Variants in MRPL13 observed in about 807,000 individuals in gnomAD.
The protein encoded by MRPL13 is mitochondrial ribosomal protein L13, also known as large ribosomal subunit protein uL13m.
A neutral mutation model predicts 29.0 loss-of-function variants in MRPL13; 33 were observed. That is an observed-to-expected ratio of 1.14 (90% CI 0.86 to 1.52). The LOEUF (loss-of-function observed/expected upper bound fraction) is 1.52. Among genes scored for constraint, MRPL13 ranks in the 40% most tolerant of loss-of-function variants. The probability of loss-of-function intolerance (pLI) is 0.00; values close to 1 mark genes in which losing one functional copy is unlikely to be tolerated. For missense variants in MRPL13, 227 were observed against 216.7 expected (o/e 1.05, Z -0.30); for synonymous variants, 77 against 68.4 (o/e 1.13, Z -0.62).
At chr8:120,421,735 C>T (rs975956038) in intron 4 of MRPL13, among the ~76,000 whole-genome samples, 6 of 151,892 alleles carry the variant, frequency 4.0e-5, no homozygotes, top group African/African-American at 1.4e-4. Flanking sequence ...AATTATTGCT[C>T]ATAAACAATA....
chr8:120,422,149 T>C (rs1458251742), intron 4 of MRPL13, among the ~76,000 whole-genome samples: 1 of 151,766 alleles, frequency 6.6e-6, no homozygotes, highest in Non-Finnish European at 1.5e-5. Flanking sequence ...TAATAAAATA[T>C]CCTTCCCCCC....
At chr8:120,406,673 C>T (rs1287832824) in intron 6 of MRPL13, among the ~76,000 whole-genome samples, 1 of 150,872 alleles carries the variant, frequency 6.6e-6, no homozygotes, top group Non-Finnish European at 1.5e-5. Context: ...ATATATGAAA[C>T]ACACACAAGC....
rs372295525 is a variant in MRPL13, at chr8:120,398,175, G to T, written c.516-2050C>A. On this transcript the variant is annotated intron_variant, in intron 6 of 6. Coordinates refer to ENST00000306185, the MANE Select transcript of MRPL13 (RefSeq NM_014078.6). ...CTGCTTTAAGCAGGTCCCTGATCCT[G>T]TCTCTCCTGACTGGGTGAGACCTCC... is the stretch of plus-strand genomic sequence containing the variant. 8.0e-4 allele frequency among the ~76,000 whole-genome samples: 122 copies of T among 152,296 alleles called. 1 individual carries two copies. The highest frequency in any genetic ancestry group is 2.8e-3 in the African/African-American group (115 of 41,568).
intron 6 of MRPL13, among the ~76,000 whole-genome samples, chr8:120,400,096 G>C (rs188099963): frequency 1.2e-4 from 19 of 152,216 alleles, no homozygotes; most frequent in Non-Finnish European, 2.6e-4. Context: ...AATTAACAAA[G>C]ATATTCAGGA....
chr8:120,436,537 T>C (rs1813056918), intron 2 of MRPL13, among the ~76,000 whole-genome samples: 1 of 152,166 alleles, frequency 6.6e-6, no homozygotes, highest in Non-Finnish European at 1.5e-5. Context: ...AAGTTCTTTA[T>C]AGTTTAGATA....
chr8:120,432,288 T>C (rs1031634664), intron 2 of MRPL13, among the ~76,000 whole-genome samples, 165 bp from the exon 3 acceptor site: 2 of 152,114 alleles, frequency 1.3e-5, no homozygotes, highest in African/African-American at 4.8e-5. Flanking sequence ...CTGTTACTTT[T>C]TAATATAACA....
intron 6 of MRPL13, among the ~76,000 whole-genome samples, chr8:120,399,445 T>C (rs1251110110): frequency 6.6e-6 from 1 of 152,084 alleles, no homozygotes; most frequent in Non-Finnish European, 1.5e-5. Flanking sequence ...AAACAAATAC[T>C]GAGGGAATTC....
At chr8:120,420,007 G>C in intron 4 of MRPL13, 69 bp from the exon 5 acceptor site, 3 of 1,018,720 alleles carry the variant, frequency 2.9e-6, no homozygotes, top group Non-Finnish European at 2.7e-6. Context: ...AACATAATTA[G>C]AGATGATGAT....
At chr8:120,411,023 C>G (rs148642693) in intron 6 of MRPL13, among the ~76,000 whole-genome samples, 2 of 151,724 alleles carry the variant, frequency 1.3e-5, no homozygotes, top group South Asian at 4.2e-4. Context: ...GGTGATCCAC[C>G]GCGCCAGGCT....
intron 6 of MRPL13, among the ~76,000 whole-genome samples, chr8:120,409,882 T>G (rs1812721905): frequency 1.3e-5 from 2 of 152,190 alleles, no homozygotes; most frequent in African/African-American, 4.8e-5. Context: ...AACTAATGAC[T>G]GAACAACAAC....
intron 3 of MRPL13, among the ~76,000 whole-genome samples, chr8:120,428,087 T>C (rs1211427285): frequency 2.9e-5 from 4 of 136,156 alleles, no homozygotes; most frequent in African/African-American, 1.1e-4. Context: ...CTTCAAACTA[T>C]ACTACAGGGC....
At chr8:120,435,574 A>G (rs1190878192) in intron 2 of MRPL13, among the ~76,000 whole-genome samples, 5 of 152,280 alleles carry the variant, frequency 3.3e-5, no homozygotes, top group East Asian at 1.9e-4. Flanking sequence ...TCTATGGTGT[A>G]TATGTACCAC....
intron 6 of MRPL13, among the ~76,000 whole-genome samples, chr8:120,400,151 G>A (rs1812574509): frequency 2.0e-5 from 3 of 152,196 alleles, no homozygotes; most frequent in Admixed American, 2.0e-4. Flanking sequence ...GATATCTACA[G>A]AACTCTGCAC....
chr8:120,418,084 C>T (rs978767470), intron 5 of MRPL13, among the ~76,000 whole-genome samples: 1 of 152,060 alleles, frequency 6.6e-6, no homozygotes, highest in Non-Finnish European at 1.5e-5. Flanking sequence ...AAGTAGCGCA[C>T]ATAAATATAT....
At chr8:120,420,471 T>C (rs1451040536) in intron 4 of MRPL13, among the ~76,000 whole-genome samples, 1 of 147,606 alleles carries the variant, frequency 6.8e-6, no homozygotes, top group Non-Finnish European at 1.5e-5. Flanking sequence ...TATATAAACA[T>C]ATATAAATAT....
At chr8:120,402,482 C>T (rs1332690964) in intron 6 of MRPL13, among the ~76,000 whole-genome samples, 1 of 152,138 alleles carries the variant, frequency 6.6e-6, no homozygotes, top group African/African-American at 2.4e-5. Flanking sequence ...CTTCCTTACA[C>T]CTAATACAAA....
chr8:120,422,435 T>C (rs1201034195), intron 4 of MRPL13, among the ~76,000 whole-genome samples: 3 of 151,478 alleles, frequency 2.0e-5, no homozygotes, highest in South Asian at 2.1e-4. Flanking sequence ...TGGTGACTAA[T>C]GTATGAATTA....
intron 6 of MRPL13, among the ~76,000 whole-genome samples, chr8:120,411,398 T>C (rs1812738374): frequency 6.6e-6 from 1 of 152,192 alleles, no homozygotes; most frequent in Admixed American, 6.5e-5. Flanking sequence ...TAGAAAGTTC[T>C]ACTCAAGAGC....
intron 3 of MRPL13, among the ~76,000 whole-genome samples, chr8:120,431,563 A>G (rs960689930): frequency 5.9e-5 from 9 of 152,152 alleles, no homozygotes; most frequent in African/African-American, 2.2e-4. Context: ...TGCCTAACTG[A>G]AAAATGGAGG....
Sources: allele counts gnomAD v4.1 joint callset (sites outside exome capture counted in the v4.1 genomes callset), GRCh38; gene constraint gnomAD v4.1.1; transcripts MANE v1.5; gene names NCBI Gene and HGNC (gene_info 2026-07-23, HGNC 2026-07-21).